ADGRV1: variants seen among roughly 807,000 people sequenced by gnomAD.
ADGRV1 encodes G-protein coupled receptor 98.
In ADGRV1, 359 loss-of-function variants were observed where a neutral mutation model predicts 596.2. The observed-to-expected ratio is 0.60, with a 90% confidence interval of 0.55 to 0.66. The LOEUF (loss-of-function observed/expected upper bound fraction) is 0.66. Ranked by LOEUF, ADGRV1 falls within the 30% of genes least tolerant of loss-of-function variation. The pLI is 0.00. For missense variants in ADGRV1, 7,274 were observed against 7,575.6 expected, an observed-to-expected ratio of 0.96 and a Z score of 1.48; for synonymous variants, 2,681 against 2,679.2, an observed-to-expected ratio of 1.00 and a Z score of -0.02.
intron 77 of ADGRV1, among the ~76,000 whole-genome samples, chr5:90,839,714 G>A (rs1765268887): frequency 6.6e-6 from 1 of 152,114 alleles, no homozygotes; most frequent in African/African-American, 2.4e-5. Context: ...GAGCTTCTAT[G>A]TCCAGTTTTA....
rs1760007995 is a variant in ADGRV1 at position 90,791,008 on chromosome 5, G to C, written c.14179G>C (p.Glu4727Gln). 1 of 1,613,940 alleles carries C rather than the reference G, an allele frequency of 6.2e-7. No individual in the cohort carries two copies. The highest frequency in any genetic ancestry group is 8.5e-7 in the Non-Finnish European group (1 of 1,179,860). ...GCTACCAGATGAGGTACCTGAGATA[G>C]AGGAAGATTATGTGATCCAGCTTGT... ...HLLPDEVPEI[E>Q]EDYVIQLVSV... is the part of the protein sequence containing the mutation. Residue 4727 changes from glutamate (E) to glutamine (Q), a missense_variant, in exon 70 of 90, where the codon GAG becomes CAG. Glu to Gln is a conservative substitution (Grantham distance 29). Transcript: ENST00000405460.
rs530848724 is a variant in ADGRV1 at position 90,983,818 on chromosome 5, T to C, written c.17974-1526T>C. Among the ~76,000 whole-genome samples, 218 of 152,300 alleles carry C rather than the reference T, an allele frequency of 1.4e-3. 1 individual carries two copies. Among genetic ancestry groups the C allele is most frequent in the African/African-American group, 5.1e-3 (214 of 41,560 alleles). On this transcript the variant is annotated intron_variant, in intron 84 of 89. Transcript: ENST00000405460. ...AATAAAATTCAGAGACACAAATCTC[T>C]AAGTAACCAAACATTTTTATCCTTC...
intron 83 of ADGRV1, among the ~76,000 whole-genome samples, chr5:90,864,992 G>T (rs1162276327): frequency 6.6e-6 from 1 of 152,062 alleles, no homozygotes; most frequent in East Asian, 1.9e-4. Flanking sequence ...AGCGTTTGTG[G>T]TGGAGCTGAA....
In ADGRV1 at chr5:90,790,796, G is replaced by A. The variant is rs959244667; in HGVS notation, c.14044-77G>A. The A allele has an allele frequency of 2.4e-5, 23 of 945,262 alleles. No individual in the cohort carries two copies. The Admixed American group carries it at 2.8e-4, about 11-fold the overall frequency. The allele number at this position is 945,262 out of a possible 1,614,324, so 58.6% of individuals were successfully genotyped here. A position where few individuals can be genotyped will look rare whatever the true frequency, so the allele number is the denominator to read the frequency against. On this transcript the variant is annotated intron_variant, in intron 69 of 89. Transcript: ENST00000405460. The stretch of plus-strand genomic sequence containing the variant: ...ATATTTTTTTTTTGTATATTATAGA[G>A]AAAAACATAATTTAAGGGAATTTGG...
At position 90,679,532 on chromosome 5, in the gene ADGRV1, TG is replaced by T. The variant is rs1744667418; in HGVS notation, c.5444-16del. The T allele has an allele frequency of 6.3e-7, 1 of 1,597,470 alleles. No homozygotes were observed. Among genetic ancestry groups the T allele is most frequent in the Non-Finnish European group, 8.6e-7 (1 of 1,165,588 alleles). The stretch of plus-strand genomic sequence containing the variant: ...ATGTGTGTTGTGTGGGTTGTGTCTC[TG>T]TGTCTCCTTGTGAAGTAGCTGAACT... On this transcript the variant is annotated splice_polypyrimidine_tract_variant and intron_variant, in intron 25 of 89. Coordinates refer to ENST00000405460, the MANE Select transcript of ADGRV1 (RefSeq NM_032119.4).
Position 90,622,600 on chromosome 5 carries a change from C to T in ADGRV1, c.457C>T (p.Pro153Ser). 3 of 1,429,708 alleles carry T rather than the reference C, an allele frequency of 2.1e-6. No homozygotes were observed. Among genetic ancestry groups the T allele is most frequent in the Non-Finnish European group, 2.8e-6 (3 of 1,084,840 alleles). 88.6% of individuals were successfully genotyped at this position (1,429,708 alleles called of 1,614,324 possible). Residue 153 changes from proline (P) to serine (S), a missense_variant, in exon 5 of 90, where the codon CCC (proline) becomes TCC (serine). Around this residue, in one of 5 missense-constraint regions of ADGRV1, gnomAD observed 1,715 missense variants for 1,708.8 expected, o/e 1.00. Transcript: ENST00000405460. ...CTGTGCTTGCTTTCCTCAATAGCTT[C>T]CCTCAATCGCAGTGAGTGAGCCCAA... is the stretch of plus-strand genomic sequence containing the variant. ...AFGIISFNMLPSIAVSEPKGR... is the reference protein window; with the variant it reads ...AFGIISFNMLSSIAVSEPKGR...
At chr5:90,688,500 C>T (rs1166601295) in intron 29 of ADGRV1, among the ~76,000 whole-genome samples, 5 of 152,064 alleles carry the variant, frequency 3.3e-5, no homozygotes, top group East Asian at 1.9e-4. Flanking sequence ...GGACTACAAG[C>T]GTGTGCCACC....
At chr5:90,937,120 A>G (rs962103974) in intron 83 of ADGRV1, among the ~76,000 whole-genome samples, 2 of 152,150 alleles carry the variant, frequency 1.3e-5, no homozygotes, top group Admixed American at 6.5e-5. Flanking sequence ...ATTACAATAT[A>G]TATTCATCTA....
intron 82 of ADGRV1, among the ~76,000 whole-genome samples, chr5:90,859,667 A>G (rs1439206686): frequency 1.3e-5 from 2 of 152,182 alleles, no homozygotes; most frequent in Admixed American, 6.5e-5. Flanking sequence ...ACACTCTCCA[A>G]TAGAGTTTTC....
intron 87 of ADGRV1, among the ~76,000 whole-genome samples, chr5:91,142,653 A>G (rs1174587864): frequency 3.9e-5 from 6 of 152,168 alleles, no homozygotes; most frequent in Admixed American, 3.9e-4. Context: ...TTCCTATCTC[A>G]TACGGAACTG....
chr5:90,697,159 T>G lies in ADGRV1; in HGVS notation c.8155+13T>G, dbSNP rs1205706095. The G allele has an allele frequency of 6.2e-7, 1 of 1,604,958 alleles. No individual in the cohort carries two copies. On this transcript the variant is annotated intron_variant, in intron 34 of 89. Coordinates refer to ENST00000405460, the MANE Select transcript of ADGRV1 (RefSeq NM_032119.4). ...ATAGGTCATGAAGGTGGGTTCCTTT[T>G]TTTGTTAAGCATATTCATTTTCTTT...
chr5:90,652,710 C>A, intron 19 of ADGRV1, 147 bp downstream of exon 19: 1 of 600,674 alleles, frequency 1.7e-6, no homozygotes, highest in Non-Finnish European at 2.8e-6. Context: ...TGTTAAAATA[C>A]CCTTCTTGTT....
At chr5:90,823,954 G>GA (rs1763843492) in intron 76 of ADGRV1, among the ~76,000 whole-genome samples, 1 of 151,674 alleles carries the variant, frequency 6.6e-6, no homozygotes, top group African/African-American at 2.4e-5. Flanking sequence ...TACATACAAA[G>GA]AAAAAAATGT....
At chr5:90,626,421 TCATAA>T (rs1169059105) in intron 6 of ADGRV1, 1 of 152,202 alleles carries the variant, frequency 6.6e-6, no homozygotes, top group Non-Finnish European at 1.5e-5. Flanking sequence ...ATCAATCGAA[TCATAA>T]CATTTTATTT....
intron 1 of ADGRV1, among the ~76,000 whole-genome samples, chr5:90,607,397 AC>A (rs1190109522): frequency 6.6e-6 from 1 of 151,984 alleles, no homozygotes; most frequent in East Asian, 1.9e-4. Context: ...CCCCCTGCTT[AC>A]CCCTCCAAAT....
intron 87 of ADGRV1, among the ~76,000 whole-genome samples, chr5:91,122,188 A>G (rs1023693209): frequency 6.6e-6 from 1 of 152,218 alleles, no homozygotes; most frequent in African/African-American, 2.4e-5. Flanking sequence ...TTGTTTATAA[A>G]TACTCTATAT....
At chr5:90,629,672 T>G in intron 9 of ADGRV1, 133 bp downstream of exon 9, 1 of 660,346 alleles carries the variant, frequency 1.5e-6, no homozygotes, top group Non-Finnish European at 2.5e-6. Flanking sequence ...AAAAGTTGTT[T>G]AGGTAGTCGG....
intron 69 of ADGRV1, among the ~76,000 whole-genome samples, chr5:90,790,139 T>C (rs1581131585): frequency 6.6e-6 from 1 of 152,336 alleles, no homozygotes; most frequent in East Asian, 1.9e-4. Flanking sequence ...TGCTATAATG[T>C]GAAGGCTTTC....
intron 1 of ADGRV1, among the ~76,000 whole-genome samples, chr5:90,606,685 C>T (rs1762143290): frequency 6.6e-6 from 1 of 152,166 alleles, no homozygotes; most frequent in African/African-American, 2.4e-5. Context: ...GAAGGGTAGA[C>T]ACAATTATGG....
Sources: gnomAD v4.1 joint callset for allele counts (sites outside exome capture counted in the v4.1 genomes callset) on GRCh38, gnomAD v4.1.1 for gene constraint, gnomAD v4.1.1 regional missense constraint, MANE v1.5 for transcripts, NCBI Gene and HGNC (gene_info 2026-07-23, HGNC 2026-07-21) for gene names.